Variants in TEX11 observed in about 807,000 individuals in gnomAD.
TEX11 encodes the protein testis-expressed protein 11.
TEX11 carries 7 observed loss-of-function variants against 84.4 expected under a neutral mutation model. The observed-to-expected ratio is 0.08, with a 90% confidence interval of 0.05 to 0.16. The LOEUF is 0.16. TEX11 is among the 10% of genes least tolerant of loss of function. The pLI, the probability that TEX11 is intolerant of heterozygous loss-of-function variation, is 1.00. For missense variants in TEX11, 551 were observed against 660.5 expected, an observed-to-expected ratio of 0.83 and a Z score of 1.82; for synonymous variants, 264 against 222.8, an observed-to-expected ratio of 1.18 and a Z score of -1.64.
chrX:70,823,999 G>A (rs2091331856), intron 8 of TEX11, among the ~76,000 whole-genome samples: 1 of 111,317 alleles, frequency 9.0e-6, no homozygotes. Context: ...CAGCCTGGGC[G>A]ACATAGTGAG....
chrX:70,686,927 T>C (rs1451972678), intron 13 of TEX11, among the ~76,000 whole-genome samples: 2 of 111,218 alleles, frequency 1.8e-5, no homozygotes, highest in Non-Finnish European at 3.8e-5. Flanking sequence ...AAGAGACCCA[T>C]AGTTTTAAAA....
intron 22 of TEX11, among the ~76,000 whole-genome samples, chrX:70,607,404 C>G (rs1239213972): frequency 2.7e-5 from 3 of 110,324 alleles, no homozygotes; most frequent in African/African-American, 6.6e-5. Context: ...GCCTGGGCAA[C>G]AGAGAGAGAC....
intron 20 of TEX11, among the ~76,000 whole-genome samples, chrX:70,615,909 C>G (rs1392681591): frequency 8.9e-6 from 1 of 111,756 alleles, no homozygotes; most frequent in African/African-American, 3.3e-5. Context: ...AACTTTTACC[C>G]TAGAATAGTA....
At chrX:70,561,513 G>A (rs1031711039) in intron 25 of TEX11, among the ~76,000 whole-genome samples, 10 of 104,585 alleles carry the variant, frequency 9.6e-5, no homozygotes, top group African/African-American at 3.1e-4. Flanking sequence ...TCAGCCTCCC[G>A]AGTAGCTGGG....
At chrX:70,855,051 A>T (rs1329010054) in intron 5 of TEX11, among the ~76,000 whole-genome samples, 2 of 110,913 alleles carry the variant, frequency 1.8e-5, no homozygotes, top group African/African-American at 6.6e-5. Context: ...CTGTCTCAAT[A>T]AAAAGTATAC....
At chrX:70,779,277 T>C (rs1311307085) in intron 9 of TEX11, among the ~76,000 whole-genome samples, 1 of 104,781 alleles carries the variant, frequency 9.5e-6, no homozygotes, top group Non-Finnish European at 1.9e-5. Flanking sequence ...TAGCCAAGAG[T>C]GGTCGTGGGT....
chrX:70,644,408 C>T (rs1476529015), intron 17 of TEX11, among the ~76,000 whole-genome samples: 3 of 103,886 alleles, frequency 2.9e-5, no homozygotes, highest in East Asian at 6.3e-4. Flanking sequence ...TTGACCCAGC[C>T]ATCCCATTAC....
At chrX:70,746,975 G>T (rs1358036961) in intron 9 of TEX11, among the ~76,000 whole-genome samples, 1 of 111,835 alleles carries the variant, frequency 8.9e-6, no homozygotes, top group African/African-American at 3.2e-5. Flanking sequence ...GAGCCTCATT[G>T]GCTCAAGGGG....
At chrX:70,669,229 C>A (rs182728849) in intron 16 of TEX11, among the ~76,000 whole-genome samples, 161 of 111,542 alleles carry the variant, frequency 1.4e-3, no homozygotes, top group African/African-American at 4.9e-3. Flanking sequence ...CCTTGGCCTG[C>A]AAATGCATCC....
intron 13 of TEX11, among the ~76,000 whole-genome samples, chrX:70,698,371 G>A (rs181135593): frequency 9.0e-6 from 1 of 110,833 alleles, no homozygotes; most frequent in African/African-American, 3.3e-5. Context: ...AGTAGAGCCA[G>A]AGAGCAGGAA....
chrX:70,731,136 T>C (rs1200490348), intron 11 of TEX11, among the ~76,000 whole-genome samples: 1 of 111,985 alleles, frequency 8.9e-6, no homozygotes, highest in Non-Finnish European at 1.9e-5. Flanking sequence ...CCAGAATCTC[T>C]GGGACACATT....
At chrX:70,746,454 G>A (rs2090768241) in intron 9 of TEX11, among the ~76,000 whole-genome samples, 1 of 111,187 alleles carries the variant, frequency 9.0e-6, no homozygotes, top group Admixed American at 9.6e-5. Context: ...ATGTCAAAAG[G>A]GCACACTAAG....
chrX:70,608,737 T>C (rs1307311175), intron 22 of TEX11, among the ~76,000 whole-genome samples: 1 of 52,406 alleles, frequency 1.9e-5, no homozygotes, highest in Non-Finnish European at 3.4e-5. Context: ...CGAGACTCCA[T>C]CTCAAAAAAA....
intron 2 of TEX11, among the ~76,000 whole-genome samples, chrX:70,901,070 T>C (rs1217214389): frequency 9.0e-6 from 1 of 111,181 alleles, no homozygotes; most frequent in African/African-American, 3.3e-5. Flanking sequence ...ATACAAAAAT[T>C]AGTCAGGAAT....
At chrX:70,851,373 T>C (rs957501246) in intron 7 of TEX11, among the ~76,000 whole-genome samples, 1 of 111,855 alleles carries the variant, frequency 8.9e-6, no homozygotes, top group African/African-American at 3.2e-5. Context: ...CAAATGGTAC[T>C]GGGACAATTG....
chrX:70,520,466 T>C, the TEX11 span, among the ~76,000 whole-genome samples: 1 of 112,062 alleles, frequency 8.9e-6, no homozygotes, highest in Non-Finnish European at 1.9e-5. Flanking sequence ...GAACAGCAAA[T>C]ATTGCAGAAC....
chrX:70,567,977 G>A (rs967342471), intron 25 of TEX11, among the ~76,000 whole-genome samples: 21 of 111,168 alleles, frequency 1.9e-4, no homozygotes, highest in Admixed American at 1.3e-3. Context: ...TTTCTGTCTC[G>A]TTGAACTGTC....
chrX:70,552,203 C>G lies in TEX11; in HGVS notation c.2443G>C (p.Ala815Pro). Residue 815 changes from alanine to proline, a missense_variant, in exon 28 of 30, where the codon GCG becomes CCG. Physicochemically the swap from Ala to Pro is conservative, Grantham distance 27. Coordinates refer to ENST00000374333, the MANE Select transcript of TEX11 (RefSeq NM_031276.3). ...NLVNLSVPDG[A>P]SNVELCPLEE... The stretch of plus-strand genomic sequence containing the variant: ...AGGGGACAGAGCTCTACATTCGACG[C>G]CCCATCTGGCACTGAGAGGTTAACC... The G allele has an allele frequency of 8.3e-7, 1 of 1,210,806 alleles. No homozygotes were observed. Among genetic ancestry groups the G allele is most frequent in the South Asian group, 1.8e-5 (1 of 56,795 alleles).
intron 8 of TEX11, among the ~76,000 whole-genome samples, chrX:70,833,271 G>GAA (rs1192379332): frequency 2.1e-5 from 1 of 47,553 alleles, no homozygotes; most frequent in Non-Finnish European, 3.8e-5. Flanking sequence ...CTCCATCTCA[G>GAA]AAAAAAAAAA....
Sources: gnomAD v4.1 joint callset for allele counts (sites outside exome capture counted in the v4.1 genomes callset) on GRCh38, gnomAD v4.1.1 for gene constraint, MANE v1.5 for transcripts, NCBI Gene and HGNC (gene_info 2026-07-23, HGNC 2026-07-21) for gene names.